The following TEKT5 variants were observed in gnomAD, a reference collection of about 807,000 sequenced individuals.
TEKT5 encodes the protein tektin-5.
TEKT5 carries 52 observed loss-of-function variants against 48.7 expected under a neutral mutation model. The observed-to-expected ratio is 1.07, with a 90% confidence interval of 0.86 to 1.35. TEKT5 has a LOEUF of 1.35. Among genes scored for constraint, TEKT5 ranks in the 40% most tolerant of loss-of-function variants. The pLI is 0.00. For missense variants in TEKT5, 831 were observed against 641.6 expected (o/e 1.30, Z -3.19); for synonymous variants, 318 against 267.6 (o/e 1.19, Z -1.84).
At chr16:10,651,365 CT>C (rs758530797) in intron 5 of TEKT5, among the ~76,000 whole-genome samples, 1 of 152,188 alleles carries the variant, frequency 6.6e-6, no homozygotes, top group Non-Finnish European at 1.5e-5. Context: ...CCCTGGCATA[CT>C]GTATGTTTTA....
chr16:10,637,766 G>A lies in TEKT5; in HGVS notation c.1087-1848C>T, dbSNP rs1016589099. Among the ~76,000 whole-genome samples the A allele has an allele frequency of 2.2e-4, 34 of 152,314 alleles. 1 individual carries two copies. The highest frequency in any genetic ancestry group is 5.8e-4 in the East Asian group (3 of 5,184). The stretch of plus-strand genomic sequence containing the variant: ...TCAGAAAAAGTCAAATACAAGACGC[G>A]AGTGGTGAAATGTCAACATTTGTGT... On this transcript the variant is annotated intron_variant, in intron 5 of 6. Transcript: ENST00000283025.
At chr16:10,665,190 A>G (rs1271660218) in intron 5 of TEKT5, among the ~76,000 whole-genome samples, 1 of 152,194 alleles carries the variant, frequency 6.6e-6, no homozygotes. Context: ...AGACAAAGAC[A>G]CAAAGGTGGA....
intron 5 of TEKT5, among the ~76,000 whole-genome samples, chr16:10,654,567 G>C (rs953477475): frequency 6.6e-6 from 1 of 152,176 alleles, no homozygotes. Context: ...AGAACAAAAA[G>C]GCAGAGGAAG....
At chr16:10,685,936 C>T (rs965267945) in intron 3 of TEKT5, among the ~76,000 whole-genome samples, 2 of 152,188 alleles carry the variant, frequency 1.3e-5, no homozygotes, top group African/African-American at 2.4e-5. Context: ...GTCCAGCTCC[C>T]CACTTCAAGT....
chr16:10,693,373 G>A (rs1306920088), intron 1 of TEKT5, among the ~76,000 whole-genome samples: 2 of 152,226 alleles, frequency 1.3e-5, no homozygotes, highest in Admixed American at 1.3e-4. Flanking sequence ...GGGATTACAG[G>A]TGTAAGCCAC....
intron 5 of TEKT5, among the ~76,000 whole-genome samples, chr16:10,654,071 G>C (rs1354895134): frequency 6.6e-6 from 1 of 151,974 alleles, no homozygotes; most frequent in Non-Finnish European, 1.5e-5. Flanking sequence ...ATTTTTTTGA[G>C]AGAGGTTCTC....
chr16:10,654,828 T>C (rs1397078873), intron 5 of TEKT5, among the ~76,000 whole-genome samples: 2 of 151,666 alleles, frequency 1.3e-5, no homozygotes, highest in Non-Finnish European at 2.9e-5. Flanking sequence ...GATACATTTC[T>C]ATATATCGTA....
At chr16:10,638,668 C>T (rs539964043) in intron 5 of TEKT5, among the ~76,000 whole-genome samples, 12 of 152,342 alleles carry the variant, frequency 7.9e-5, no homozygotes, top group African/African-American at 2.9e-4. Context: ...AGAGATGCAC[C>T]TGCTGTTCCA....
chr16:10,675,876 C>A, intron 5 of TEKT5, 83 bp downstream of exon 5: 1 of 1,408,476 alleles, frequency 7.1e-7, no homozygotes, highest in South Asian at 1.2e-5. Flanking sequence ...GCAGGGCCAG[C>A]TTGGCCCAGA....
intron 5 of TEKT5, among the ~76,000 whole-genome samples, chr16:10,661,383 G>C (rs1321876854): frequency 3.3e-5 from 5 of 152,174 alleles, no homozygotes; most frequent in Admixed American, 2.0e-4. Context: ...GACTTGAAGA[G>C]CTTGTTAGAA....
intron 5 of TEKT5, among the ~76,000 whole-genome samples, chr16:10,654,169 G>C (rs181799544): frequency 6.6e-6 from 1 of 152,204 alleles, no homozygotes; most frequent in East Asian, 1.9e-4. Context: ...TCCCACTTCA[G>C]ACTCCCGAGT....
In TEKT5 at chr16:10,686,118, GA is replaced by G. The variant is rs528406528; in HGVS notation, c.719+3134del. On this transcript the variant is annotated intron_variant, in intron 3 of 6. Coordinates refer to ENST00000283025, the MANE Select transcript of TEKT5 (RefSeq NM_144674.2). ...AATAACTGGAAGAAAGAACAGAATA[GA>G]GAGCCCAGAAATAAATCCAGGCATT... Among the ~76,000 whole-genome samples the G allele has an allele frequency of 3.2e-3, 491 of 152,316 alleles. 2 individuals carry two copies. Among genetic ancestry groups the G allele is most frequent in the Non-Finnish European group, 5.4e-3 (367 of 68,036 alleles).
chr16:10,656,459 C>T (rs886065469), intron 5 of TEKT5, among the ~76,000 whole-genome samples: 5 of 152,050 alleles, frequency 3.3e-5, no homozygotes, highest in African/African-American at 1.2e-4. Context: ...CACCATGTTA[C>T]CCAGGCTGGC....
intron 3 of TEKT5, among the ~76,000 whole-genome samples, chr16:10,684,259 A>G (rs1030782734): frequency 6.6e-6 from 1 of 152,066 alleles, no homozygotes; most frequent in Non-Finnish European, 1.5e-5. Context: ...TCTGTTCTCT[A>G]TCTGTCTCTC....
At chr16:10,650,712 C>T (rs1057510276) in intron 5 of TEKT5, among the ~76,000 whole-genome samples, 1 of 151,854 alleles carries the variant, frequency 6.6e-6, no homozygotes, top group African/African-American at 2.4e-5. Flanking sequence ...GGTGACACCC[C>T]GTCTCTACTA....
chr16:10,638,554 C>T (rs1307467597), intron 5 of TEKT5, among the ~76,000 whole-genome samples: 1 of 152,204 alleles, frequency 6.6e-6, no homozygotes, highest in African/African-American at 2.4e-5. Context: ...GCCAGTGCAA[C>T]TCATGATCAT....
chr16:10,685,496 C>G (rs758985729), intron 3 of TEKT5, among the ~76,000 whole-genome samples: 2 of 152,132 alleles, frequency 1.3e-5, no homozygotes, highest in Non-Finnish European at 2.9e-5. Flanking sequence ...GGGGTTTCAC[C>G]ATTTTGGCCA....
intron 5 of TEKT5, among the ~76,000 whole-genome samples, chr16:10,674,617 G>GAA (rs57583870): frequency 0.016 from 1,166 of 74,692 alleles, 88 homozygotes; most frequent in East Asian, 0.11. Flanking sequence ...GATCATCTCA[G>GAA]AAAAAAAAAA....
At chr16:10,643,699 T>C (rs1247340849) in intron 5 of TEKT5, among the ~76,000 whole-genome samples, 1 of 152,240 alleles carries the variant, frequency 6.6e-6, no homozygotes, top group Non-Finnish European at 1.5e-5. Context: ...AACACTTTGG[T>C]ATATTATTAT....
Sources: gnomAD v4.1 joint callset for allele counts (sites outside exome capture counted in the v4.1 genomes callset) on GRCh38, gnomAD v4.1.1 for gene constraint, MANE v1.5 for transcripts, NCBI Gene and HGNC (gene_info 2026-07-23, HGNC 2026-07-21) for gene names.